Variants in ZNF423 observed in about 807,000 individuals in gnomAD.
ZNF423 encodes Ebf-associated zinc finger protein.
ZNF423 carries 12 observed loss-of-function variants against 95.8 expected under a neutral mutation model. That is an observed-to-expected ratio of 0.13 (90% CI 0.08 to 0.20). ZNF423 has a LOEUF of 0.20. Among genes scored for constraint, ZNF423 ranks in the 10% least tolerant of loss-of-function variants. The pLI is 1.00. For missense variants in ZNF423, 1,316 were observed against 1,737.1 expected, an observed-to-expected ratio of 0.76 and a Z score of 4.31; for synonymous variants, 749 against 711.9, an observed-to-expected ratio of 1.05 and a Z score of -0.83.
chr16:49,676,503 C>A (rs2031054450), intron 3 of ZNF423, among the ~76,000 whole-genome samples: 1 of 152,088 alleles, frequency 6.6e-6, no homozygotes, highest in Non-Finnish European at 1.5e-5. Flanking sequence ...GCAGGTGACT[C>A]TAGGGAACAA....
At chr16:49,696,799 C>T (rs1255547244) in intron 3 of ZNF423, among the ~76,000 whole-genome samples, 5 of 152,310 alleles carry the variant, frequency 3.3e-5, no homozygotes, top group Admixed American at 6.5e-5. Flanking sequence ...TGTGGCTGCC[C>T]GCCATGCAGG....
Position 49,705,582 on chromosome 16 carries a change from T to G in ZNF423, c.301+25189A>C, listed in dbSNP as rs181166806. Among the ~76,000 whole-genome samples the G allele has an allele frequency of 1.3e-3, 202 of 152,334 alleles. 1 individual carries two copies. Among genetic ancestry groups the G allele is most frequent in the African/African-American group, 4.2e-3 (176 of 41,574 alleles). ...GTGATTTTGAGACAGAGTTTCACTC[T>G]TGTTGCCCAGGCTAGAGTGCAGTGG... On this transcript the variant is annotated intron_variant, in intron 3 of 7. Transcript: ENST00000563137.
At chr16:49,491,976 A>G (rs1966991078) in intron 7 of ZNF423, among the ~76,000 whole-genome samples, 1 of 152,146 alleles carries the variant, frequency 6.6e-6, no homozygotes, top group Non-Finnish European at 1.5e-5. Context: ...ACAGGGACTC[A>G]GTGCAGTTTG....
intron 5 of ZNF423, among the ~76,000 whole-genome samples, chr16:49,614,417 T>C (rs1040585931): frequency 1.3e-5 from 2 of 152,020 alleles, no homozygotes; most frequent in African/African-American, 4.8e-5. Flanking sequence ...AACATGCAAG[T>C]ACTACAGACC....
chr16:49,834,145 G>A (rs546575130), intron 1 of ZNF423, among the ~76,000 whole-genome samples: 3 of 152,242 alleles, frequency 2.0e-5, no homozygotes, highest in Admixed American at 6.5e-5. Context: ...ATGTTAGGGC[G>A]AAGAAAAATC....
intron 5 of ZNF423, among the ~76,000 whole-genome samples, chr16:49,624,434 T>C (rs1254041430): frequency 6.6e-6 from 1 of 152,084 alleles, no homozygotes; most frequent in Non-Finnish European, 1.5e-5. Context: ...ATGCCTGTAG[T>C]ACCAGCTGCC....
At chr16:49,697,475 G>A (rs1471427546) in intron 3 of ZNF423, among the ~76,000 whole-genome samples, 1 of 151,962 alleles carries the variant, frequency 6.6e-6, no homozygotes, top group Non-Finnish European at 1.5e-5. Context: ...CACCTAGAAG[G>A]CCATTCCTGA....
intron 2 of ZNF423, among the ~76,000 whole-genome samples, chr16:49,765,015 C>A (rs1596984186): frequency 6.6e-6 from 1 of 151,580 alleles, no homozygotes; most frequent in South Asian, 2.1e-4. Context: ...CGCCTCATCT[C>A]CCAAAGTGCT....
chr16:49,492,739 C>A lies in ZNF423; in HGVS notation c.3850-1435G>T, dbSNP rs1255689074. Among the ~76,000 whole-genome samples the A allele has an allele frequency of 6.6e-6, 1 of 152,168 alleles. No homozygotes were observed. Among genetic ancestry groups the A allele is most frequent in the African/African-American group, 2.4e-5 (1 of 41,456 alleles). ...GCTTGGTGGGCATGCGTGCTCTGTGCCGTGGCAGGCACCGCTCTTTCAATC... is the reference window on the plus strand; with the variant it reads ...GCTTGGTGGGCATGCGTGCTCTGTGACGTGGCAGGCACCGCTCTTTCAATC... On this transcript the variant is annotated intron_variant, in intron 7 of 7. Transcript: ENST00000563137. This position sits in a 1 kb window ranked among gnomAD's most constrained non-coding sequence, Gnocchi z 4.2.
At chr16:49,835,135 G>A (rs2035103839) in intron 1 of ZNF423, among the ~76,000 whole-genome samples, 1 of 152,072 alleles carries the variant, frequency 6.6e-6, no homozygotes. Context: ...GGCCTTGGGG[G>A]GCTCCCTCTT....
chr16:49,582,232 T>C (rs941685170), intron 5 of ZNF423, among the ~76,000 whole-genome samples: 2 of 152,204 alleles, frequency 1.3e-5, no homozygotes, highest in Admixed American at 6.5e-5. Flanking sequence ...CCTGAATCCA[T>C]TGAGTCTCCT....
rs1449060937 is a variant in ZNF423 at position 49,637,886 on chromosome 16, C to T, written c.1290G>A (p.Leu430=). 1 of 1,614,164 alleles carries T rather than the reference C, an allele frequency of 6.2e-7. No individual in the cohort carries two copies. The highest frequency in any genetic ancestry group is 8.5e-7 in the Non-Finnish European group (1 of 1,180,040). ...TCTTCAGGTGGATCTCCAGCACGGCCAGGCTGTTAAAGTCCCGCTTGGAAC... is the reference window on the plus strand; with the variant it reads ...TCTTCAGGTGGATCTCCAGCACGGCTAGGCTGTTAAAGTCCCGCTTGGAAC... The part of the protein sequence containing the change: ...PYCSKRDFNS[L]AVLEIHLKTI... The change falls in exon 4 of 8, where the codon CTG becomes CTA. Residue 430 remains leucine (L), a synonymous_variant. Coordinates refer to ENST00000563137, the MANE Select transcript of ZNF423 (RefSeq NM_001379286.1). The surrounding 1 kb of genome is among the most constrained non-coding windows in gnomAD (Gnocchi z 5.6).
At chr16:49,735,128 A>C (rs1314746144) in intron 2 of ZNF423, among the ~76,000 whole-genome samples, 1 of 152,168 alleles carries the variant, frequency 6.6e-6, no homozygotes, top group East Asian at 1.9e-4. Flanking sequence ...CCTAAGGTTC[A>C]GCAACGGCTC....
chr16:49,647,538 T>TTA (rs1239303422), intron 3 of ZNF423, among the ~76,000 whole-genome samples: 16 of 152,292 alleles, frequency 1.1e-4, no homozygotes, highest in Non-Finnish European at 7.4e-5. Context: ...ACAAGGGTCC[T>TTA]TAAATGTGCA....
intron 2 of ZNF423, among the ~76,000 whole-genome samples, chr16:49,750,015 T>C (rs7192407): frequency 0.57 from 87,393 of 152,046 alleles, 25,721 homozygotes; most frequent in African/African-American, 0.71. Flanking sequence ...GGTGGAGAGT[T>C]GGGGCTGACC....
intron 2 of ZNF423, among the ~76,000 whole-genome samples, chr16:49,731,910 C>G (rs945687652): frequency 6.6e-6 from 1 of 152,204 alleles, no homozygotes; most frequent in Non-Finnish European, 1.5e-5. Context: ...AATAAAACAG[C>G]TACTGTGCTT....
At chr16:49,707,135 C>T (rs148748123) in intron 3 of ZNF423, among the ~76,000 whole-genome samples, 35 of 152,120 alleles carry the variant, frequency 2.3e-4, no homozygotes, top group Non-Finnish European at 3.8e-4. Flanking sequence ...CTCACCTCAC[C>T]GCTCCCTGGG....
At chr16:49,566,453 G>T (rs1451209090) in intron 5 of ZNF423, among the ~76,000 whole-genome samples, 1 of 152,168 alleles carries the variant, frequency 6.6e-6, no homozygotes, top group Non-Finnish European at 1.5e-5. Flanking sequence ...CACTGGCTGG[G>T]AGAGGAGGGG....
chr16:49,855,104 C>G lies in ZNF423; in HGVS notation c.40+631G>C. 1 of 948,626 alleles carries G rather than the reference C, an allele frequency of 1.1e-6. No individual in the cohort carries two copies. The highest frequency in any genetic ancestry group is 4.9e-5 in the South Asian group (1 of 20,496). The allele number at this position is 948,626 out of a possible 1,614,324, so 58.8% of individuals were successfully genotyped here. On this transcript the variant is annotated intron_variant, in intron 1 of 7. Transcript: ENST00000563137. The surrounding 1 kb of genome is among the most constrained non-coding windows in gnomAD (Gnocchi z 4.7). Reference sequence around the variant, plus strand: ...GCCTCGGTGGAGGAGGCAGGAAGTGCAGGGGCCCGGGCCGGGAGAAGGCCT... The same window carrying G: ...GCCTCGGTGGAGGAGGCAGGAAGTGGAGGGGCCCGGGCCGGGAGAAGGCCT...
Sources: allele counts gnomAD v4.1 joint callset (sites outside exome capture counted in the v4.1 genomes callset), GRCh38; gene constraint gnomAD v4.1.1; non-coding constraint Gnocchi (gnomAD v3.1); transcripts MANE v1.5; gene names NCBI Gene and HGNC (gene_info 2026-07-23, HGNC 2026-07-21).